The following ZBTB40 variants were observed in gnomAD, a reference collection of about 807,000 sequenced individuals.
ZBTB40 encodes zinc finger and BTB domain-containing protein 40.
In ZBTB40, 60 loss-of-function variants were observed where a neutral mutation model predicts 117.5. The ratio of observed to expected loss-of-function variants is 0.51; its 90% CI spans 0.41 to 0.63. The LOEUF (loss-of-function observed/expected upper bound fraction) is 0.63, where lower values mean the gene tolerates loss of function less well. ZBTB40 is among the 30% of genes least tolerant of loss of function. The pLI is 0.00. For missense variants in ZBTB40, 1,287 were observed against 1,498.5 expected (o/e 0.86, Z 2.33); for synonymous variants, 525 against 577.1 (o/e 0.91, Z 1.29).
chr1:22,489,460 C>T (rs950077969), intron 1 of ZBTB40, among the ~76,000 whole-genome samples: 2 of 151,980 alleles, frequency 1.3e-5, no homozygotes, highest in Non-Finnish European at 1.5e-5. Context: ...TGTAAGTCTC[C>T]GTCTACATAT....
chr1:22,492,771 ACT>A (rs1157508940), intron 3 of ZBTB40, among the ~76,000 whole-genome samples: 1 of 152,002 alleles, frequency 6.6e-6, no homozygotes, highest in African/African-American at 2.4e-5. Context: ...AACCCTGATG[ACT>A]CTCTTTGGGA....
chr1:22,469,730 G>A (rs1049926146), intron 1 of ZBTB40, among the ~76,000 whole-genome samples: 7 of 151,840 alleles, frequency 4.6e-5, no homozygotes, highest in African/African-American at 1.7e-4. Context: ...TAGAGACGGG[G>A]TTTCACCATG....
Position 22,513,216 on chromosome 1 carries a change from C to A in ZBTB40, c.2668+86C>A. The A allele has an allele frequency of 6.9e-7, 1 of 1,440,250 alleles. No individual in the cohort carries two copies. The allele number at this position is 1,440,250 out of a possible 1,614,324, so 89.2% of individuals were successfully genotyped here. On this transcript the variant is annotated intron_variant, in intron 12 of 17. Coordinates refer to ENST00000375647, the MANE Select transcript of ZBTB40 (RefSeq NM_014870.4). The surrounding 1 kb of genome is among the most constrained non-coding windows in gnomAD (Gnocchi z 4.9). ...TTTGGATTAGGTGTGATATATATCT[C>A]AAAAACAAAACAATTTGATAGCACA...
rs114031515 is a variant in ZBTB40, at chr1:22,483,860, C to G, written c.-69-6020C>G. The stretch of plus-strand genomic sequence containing the variant: ...TCAACTAAGTTTTCTCCTATGTTAA[C>G]TTCTAGGAATTATAATTTTGTATTT... On this transcript the variant is annotated intron_variant, in intron 1 of 17. Transcript: ENST00000375647. Among the ~76,000 whole-genome samples, 871 of 152,282 alleles carry G rather than the reference C, an allele frequency of 5.7e-3. 6 individuals carry two copies. Among genetic ancestry groups the G allele is most frequent in the African/African-American group, 0.02 (842 of 41,556 alleles).
At chr1:22,487,397 A>G (rs1638500538) in intron 1 of ZBTB40, among the ~76,000 whole-genome samples, 1 of 152,148 alleles carries the variant, frequency 6.6e-6, no homozygotes, top group Non-Finnish European at 1.5e-5. Flanking sequence ...TTCTTTTACA[A>G]GTGAGATTAC....
Position 22,520,141 on chromosome 1 carries a change from G to A in ZBTB40, c.2914G>A (p.Val972Met), listed in dbSNP as rs146744214. Residue 972 changes from valine (V) to methionine (M), a missense_variant, in exon 14 of 18, where the codon GTG becomes ATG. By Grantham distance (21) the Val-to-Met change is conservative. Transcript: ENST00000375647. ...LQDHRKHIHEVHSKEYHPCPT... is the reference protein window; with the variant it reads ...LQDHRKHIHEMHSKEYHPCPT... ...GGATCACCGGAAGCACATCCATGAG[G>A]TGCACTCCAAAGAGTACCACCCCTG... The A allele has an allele frequency of 6.2e-7, 1 of 1,614,156 alleles. No individual in the cohort carries two copies. The highest frequency in any genetic ancestry group is 8.5e-7 in the Non-Finnish European group (1 of 1,180,036).
At position 22,511,731 on chromosome 1, in the gene ZBTB40, T is replaced by G. The variant is rs1569870498; in HGVS notation, c.2058T>G (p.Phe686Leu). The G allele has an allele frequency of 6.2e-7, 1 of 1,606,766 alleles. No homozygotes were observed. Among genetic ancestry groups the G allele is most frequent in the East Asian group, 2.2e-5 (1 of 44,828 alleles). Residue 686 changes from phenylalanine (F) to leucine (L), a missense_variant, in exon 11 of 18, where the codon TTT becomes TTG. Transcript: ENST00000375647. The stretch of plus-strand genomic sequence containing the variant: ...AAACGTGGAAGGTGAGTAATAAATT[T>G]CACCTTGAAGCCAACAACAAAGAAG... ...EKETWKVSNK[F>L]HLEANNKEDE...
chr1:22,453,509 T>A (rs1386293578), intron 1 of ZBTB40, among the ~76,000 whole-genome samples: 1 of 152,220 alleles, frequency 6.6e-6, no homozygotes, highest in African/African-American at 2.4e-5. Context: ...ACAAAGATAA[T>A]TTCAAATACA....
At chr1:22,454,891 A>T (rs564405766) in intron 1 of ZBTB40, among the ~76,000 whole-genome samples, 1 of 152,252 alleles carries the variant, frequency 6.6e-6, no homozygotes, top group Non-Finnish European at 1.5e-5. Flanking sequence ...TCCAAATGGA[A>T]ACTTTATAAA....
intron 1 of ZBTB40, among the ~76,000 whole-genome samples, chr1:22,479,480 C>A (rs897472040): frequency 6.6e-6 from 1 of 152,128 alleles, no homozygotes; most frequent in African/African-American, 2.4e-5. Flanking sequence ...TATTTGAAAA[C>A]TGTTGCTCCA....
chr1:22,510,506 CA>C (rs1639202838), intron 9 of ZBTB40, among the ~76,000 whole-genome samples: 1 of 152,174 alleles, frequency 6.6e-6, no homozygotes, highest in Non-Finnish European at 1.5e-5. Flanking sequence ...AAATATCTTC[CA>C]AAATGAAAAT....
At chr1:22,460,737 A>G (rs1399828754) in intron 1 of ZBTB40, among the ~76,000 whole-genome samples, 1 of 152,214 alleles carries the variant, frequency 6.6e-6, no homozygotes, top group African/African-American at 2.4e-5. Flanking sequence ...GCTCCTTATT[A>G]AAAATTGTTT....
At chr1:22,510,978 T>C (rs1238346724) in intron 9 of ZBTB40, among the ~76,000 whole-genome samples, 2 of 152,210 alleles carry the variant, frequency 1.3e-5, no homozygotes, top group Non-Finnish European at 2.9e-5. Context: ...TACATGCTTC[T>C]TTTTTTCTGT....
chr1:22,467,917 G>T (rs1641296585), intron 1 of ZBTB40, among the ~76,000 whole-genome samples: 1 of 151,620 alleles, frequency 6.6e-6, no homozygotes, highest in Non-Finnish European at 1.5e-5. Context: ...AACATAGGGA[G>T]ACCCTGTCTA....
intron 1 of ZBTB40, among the ~76,000 whole-genome samples, chr1:22,432,068 C>T (rs558445722): frequency 1.3e-5 from 2 of 152,078 alleles, no homozygotes; most frequent in Non-Finnish European, 2.9e-5. Flanking sequence ...CTTTGTGACT[C>T]TGGGGGTAGA....
At chr1:22,521,378 T>A in intron 14 of ZBTB40, 118 bp from the exon 15 acceptor site, 1 of 1,277,990 alleles carries the variant, frequency 7.8e-7, no homozygotes, top group Non-Finnish European at 1.1e-6. Flanking sequence ...GGTAAGAGTG[T>A]GTGATACTAG....
At chr1:22,524,078 C>A in intron 16 of ZBTB40, 140 bp from the exon 17 acceptor site, 1 of 793,616 alleles carries the variant, frequency 1.3e-6, no homozygotes, top group Non-Finnish European at 2.1e-6. Flanking sequence ...GAATAACGTT[C>A]GTGTCCCACA....
chr1:22,450,173 G>A (rs1245396672), upstream of ZBTB40, among the ~76,000 whole-genome samples: 1 of 152,150 alleles, frequency 6.6e-6, no homozygotes, highest in Non-Finnish European at 1.5e-5. Context: ...TCGAACTCCT[G>A]ACCTCAGGTG....
chr1:22,444,082 G>A (rs960000495), intron 1 of ZBTB40, among the ~76,000 whole-genome samples: 18 of 152,258 alleles, frequency 1.2e-4, no homozygotes, highest in Admixed American at 9.2e-4. Context: ...GTGACCATCA[G>A]GTAATGGTCA....
Sources: gnomAD v4.1 joint callset for allele counts (sites outside exome capture counted in the v4.1 genomes callset) on GRCh38, gnomAD v4.1.1 for gene constraint, Gnocchi (gnomAD v3.1) non-coding constraint, MANE v1.5 for transcripts, NCBI Gene and HGNC (gene_info 2026-07-23, HGNC 2026-07-21) for gene names.